CRISPLD2: variants seen among roughly 807,000 people sequenced by gnomAD.
The protein encoded by CRISPLD2 is cysteine-rich secretory protein LCCL domain-containing 2.
A neutral mutation model predicts 71.1 loss-of-function variants in CRISPLD2; 47 were observed. That is an observed-to-expected ratio of 0.66 (90% confidence interval 0.52 to 0.84). CRISPLD2 has a LOEUF of 0.84. CRISPLD2 is among the 40% of genes least tolerant of loss of function. The probability of loss-of-function intolerance (pLI) is 0.00; values close to 1 mark genes in which losing one functional copy is unlikely to be tolerated. For synonymous variants in CRISPLD2, 317 were observed against 250.1 expected (o/e 1.27, Z -2.52); for missense variants, 830 against 651.1 (o/e 1.27, Z -2.99).
intron 13 of CRISPLD2, among the ~76,000 whole-genome samples, chr16:84,881,368 C>T (rs1269427992): frequency 6.6e-6 from 1 of 152,126 alleles, no homozygotes; most frequent in East Asian, 1.9e-4. Flanking sequence ...TTTTTCCCTC[C>T]GAATTTTAAC....
intron 2 of CRISPLD2, among the ~76,000 whole-genome samples, chr16:84,843,135 G>T (rs1284696884): frequency 6.6e-6 from 1 of 152,180 alleles, no homozygotes; most frequent in African/African-American, 2.4e-5. Flanking sequence ...GCTGGGATCT[G>T]GGTCCTTTGG....
intron 14 of CRISPLD2, among the ~76,000 whole-genome samples, chr16:84,903,161 G>A (rs2050834505): frequency 6.6e-6 from 1 of 152,144 alleles, no homozygotes; most frequent in South Asian, 2.1e-4. Context: ...GCCTAGCCCA[G>A]TCCAAAACAA....
chr16:84,828,090 G>A (rs1916399669), intron 1 of CRISPLD2, among the ~76,000 whole-genome samples: 1 of 152,182 alleles, frequency 6.6e-6, no homozygotes, highest in African/African-American at 2.4e-5. Flanking sequence ...GGACTCCTGG[G>A]ATTTTCACCT....
intron 14 of CRISPLD2, among the ~76,000 whole-genome samples, chr16:84,896,720 C>A (rs1195591154): frequency 6.6e-6 from 1 of 152,084 alleles, no homozygotes; most frequent in Admixed American, 6.6e-5. Flanking sequence ...AGGACGCGAC[C>A]CACCGTAAGT....
intron 14 of CRISPLD2, among the ~76,000 whole-genome samples, chr16:84,902,063 TG>T (rs1205062301): frequency 3.3e-5 from 5 of 151,852 alleles, no homozygotes; most frequent in African/African-American, 1.2e-4. Flanking sequence ...CCTCTCAAAG[TG>T]CTGGGATGAC....
chr16:84,901,017 ACAC>A (rs2071748811), intron 14 of CRISPLD2, among the ~76,000 whole-genome samples: 1 of 92,098 alleles, frequency 1.1e-5, no homozygotes, highest in East Asian at 7.8e-4. Flanking sequence ...GTCACTGCAC[ACAC>A]ACACACACAC....
chr16:84,887,847 G>A (rs1195727472), intron 13 of CRISPLD2, among the ~76,000 whole-genome samples: 1 of 152,184 alleles, frequency 6.6e-6, no homozygotes, highest in Non-Finnish European at 1.5e-5. Context: ...TTGCACTCCA[G>A]CCTGAGCAAT....
At chr16:84,831,380 C>A (rs1916484071) in intron 1 of CRISPLD2, among the ~76,000 whole-genome samples, 1 of 152,086 alleles carries the variant, frequency 6.6e-6, no homozygotes, top group Non-Finnish European at 1.5e-5. Flanking sequence ...GGTCCCCCTG[C>A]CATCCCCCAA....
intron 10 of CRISPLD2, 78 bp from the exon 11 acceptor site, chr16:84,873,842 G>A (rs1309110627): frequency 2.3e-6 from 3 of 1,320,986 alleles, no homozygotes; most frequent in Non-Finnish European, 3.2e-6. Context: ...ATAAGTATAG[G>A]AGCAAGCGTT....
Position 84,906,826 on chromosome 16 carries a change from C to T in CRISPLD2, c.*184C>T. ...CATCCCCTCACTGAAGCAACAGCAT[C>T]CCAAGGTGCTCAGCCGGACTCCCTG... On this transcript the variant is annotated 3_prime_UTR_variant, in exon 15 of 15. Coordinates refer to ENST00000262424, the MANE Select transcript of CRISPLD2 (RefSeq NM_031476.4). 1.4e-6 allele frequency: 1 copy of T among 732,294 alleles called. No individual in the cohort carries two copies. The highest frequency in any genetic ancestry group is 2.7e-5 in the East Asian group (1 of 36,620). The allele number at this position is 732,294 out of a possible 1,614,324, so 45.4% of individuals were successfully genotyped here. A position where few individuals can be genotyped will look rare whatever the true frequency, so the allele number is the denominator to read the frequency against.
chr16:84,849,507 A>T lies in CRISPLD2; in HGVS notation c.482A>T (p.His161Leu), dbSNP rs753780800. The change falls in exon 4 of 15, where the codon CAC (histidine) becomes CTC (leucine). Residue 161 changes from histidine (H) to leucine (L), a missense_variant. Transcript: ENST00000262424. ...PERCSGPMCT[H>L]YTQIVWATTN... ...AGGTGCTCGGGGCCCATGTGCACGCACTACACACAGGTAACTCGGGGACTT... is the reference window on the plus strand; with the variant it reads ...AGGTGCTCGGGGCCCATGTGCACGCTCTACACACAGGTAACTCGGGGACTT... The T allele has an allele frequency of 1.2e-6, 2 of 1,614,062 alleles. No individual in the cohort carries two copies. The highest frequency in any genetic ancestry group is 1.7e-6 in the Non-Finnish European group (2 of 1,179,968).
At chr16:84,886,764 C>G (rs1305970786) in intron 13 of CRISPLD2, among the ~76,000 whole-genome samples, 1 of 152,174 alleles carries the variant, frequency 6.6e-6, no homozygotes, top group African/African-American at 2.4e-5. Flanking sequence ...CTGATGAGCC[C>G]AGATGGTATC....
chr16:84,834,677 C>G (rs944381117), intron 1 of CRISPLD2, among the ~76,000 whole-genome samples: 1 of 152,180 alleles, frequency 6.6e-6, no homozygotes, highest in Non-Finnish European at 1.5e-5. Context: ...GTACCACAAG[C>G]TTCAACAATA....
intron 6 of CRISPLD2, among the ~76,000 whole-genome samples, chr16:84,865,316 C>T (rs1421140850): frequency 6.6e-6 from 1 of 152,160 alleles, no homozygotes; most frequent in African/African-American, 2.4e-5. Context: ...CCATCATGCC[C>T]AGCTAATTTT....
chr16:84,866,239 G>GTTT (rs11409128), intron 6 of CRISPLD2, among the ~76,000 whole-genome samples: 21 of 148,286 alleles, frequency 1.4e-4, no homozygotes, highest in South Asian at 4.2e-4. Flanking sequence ...TTGTTTTTTG[G>GTTT]TTTTTTTTTT....
rs207476236 is a variant in CRISPLD2, at chr16:84,838,537, G to T, written c.42G>T (p.Leu14=). 1 of 1,614,220 alleles carries T rather than the reference G, an allele frequency of 6.2e-7. No homozygotes were observed. Among genetic ancestry groups the T allele is most frequent in the Non-Finnish European group, 8.5e-7 (1 of 1,180,046 alleles). ...GTGGTGTCATCCCCTTGGGGCTGCTGTTCCTGGTCTGCGGATCCCAAGGCT... is the reference window on the plus strand; with the variant it reads ...GTGGTGTCATCCCCTTGGGGCTGCTTTTCCTGGTCTGCGGATCCCAAGGCT... ...VLGGVIPLGL[L]FLVCGSQGYL... is the part of the protein sequence containing the mutation. Residue 14 remains leucine, a synonymous_variant, in exon 2 of 15, where the codon CTG becomes CTT. Transcript: ENST00000262424.
intron 6 of CRISPLD2, among the ~76,000 whole-genome samples, chr16:84,866,220 G>A (rs1014033724): frequency 2.1e-5 from 3 of 144,610 alleles, no homozygotes; most frequent in Non-Finnish European, 3.0e-5. Context: ...GCCAGTGGCC[G>A]AGGCAGTTTT....
intron 2 of CRISPLD2, among the ~76,000 whole-genome samples, chr16:84,844,362 CT>C (rs1916854363): frequency 6.6e-6 from 1 of 152,228 alleles, no homozygotes; most frequent in Non-Finnish European, 1.5e-5. Context: ...AGTATACGGA[CT>C]ATAAAATTGA....
chr16:84,845,455 C>T (rs1916886293), intron 2 of CRISPLD2, among the ~76,000 whole-genome samples: 1 of 152,232 alleles, frequency 6.6e-6, no homozygotes, highest in Non-Finnish European at 1.5e-5. Flanking sequence ...GGCTGCTGAC[C>T]TTCCCTTGTC....
Sources: gnomAD v4.1 joint callset for allele counts (sites outside exome capture counted in the v4.1 genomes callset) on GRCh38, gnomAD v4.1.1 for gene constraint, MANE v1.5 for transcripts, NCBI Gene and HGNC (gene_info 2026-07-23, HGNC 2026-07-21) for gene names.